Variants in PLA2R1 observed in about 807,000 individuals in gnomAD.
PLA2R1 encodes phospholipase A2 receptor 1, also known as secretory phospholipase A2 receptor.
PLA2R1 carries 158 observed loss-of-function variants against 195.9 expected under a neutral mutation model. The ratio of observed to expected loss-of-function variants is 0.81; its 90% CI spans 0.71 to 0.92. The LOEUF is 0.92. Among genes scored for constraint, PLA2R1 ranks in the 40% least tolerant of loss-of-function variants. The pLI, the probability that PLA2R1 is intolerant of heterozygous loss-of-function variation, is 0.00. For missense variants in PLA2R1, 1,626 were observed against 1,764.6 expected, an observed-to-expected ratio of 0.92 and a Z score of 1.41; for synonymous variants, 586 against 598.2, an observed-to-expected ratio of 0.98 and a Z score of 0.30.
chr2:160,025,185 T>G (rs558308158), intron 6 of PLA2R1, among the ~76,000 whole-genome samples: 2 of 152,160 alleles, frequency 1.3e-5, no homozygotes, highest in Admixed American at 1.3e-4. Flanking sequence ...ATCTCTACTA[T>G]GAAGATTAAA....
intron 8 of PLA2R1, among the ~76,000 whole-genome samples, chr2:160,019,239 G>A (rs1692951494): frequency 6.6e-6 from 1 of 152,176 alleles, no homozygotes; most frequent in African/African-American, 2.4e-5. Context: ...TACACATACT[G>A]TTTAAATCCT....
chr2:159,938,907 G>C lies in PLA2R1; in HGVS notation c.*2871C>G, dbSNP rs1030305447. On this transcript the variant is annotated 3_prime_UTR_variant, in exon 30 of 30. Transcript: ENST00000283243. ...AACCCGAAAGAAGACTGTTGTAACT[G>C]TAAGAGCCCAATATATTGTTAAATG... 7 of 152,128 alleles carry C rather than the reference G, an allele frequency of 4.6e-5. No individual in the cohort carries two copies. The highest frequency in any genetic ancestry group is 1.4e-4 in the African/African-American group (6 of 41,412). 9.4% of individuals were successfully genotyped at this position (152,128 alleles called of 1,614,324 possible).
chr2:159,929,728 A>G (rs1258534792), downstream of PLA2R1, among the ~76,000 whole-genome samples: 1 of 152,194 alleles, frequency 6.6e-6, no homozygotes. Context: ...ACAATTCGCA[A>G]TTGCAAAAAT....
At chr2:160,021,202 T>C (rs1693087077) in intron 7 of PLA2R1, among the ~76,000 whole-genome samples, 1 of 152,104 alleles carries the variant, frequency 6.6e-6, no homozygotes, top group African/African-American at 2.4e-5. Context: ...ACAACATTTA[T>C]GGAAAACAGT....
Position 159,941,814 on chromosome 2 carries a change from A to G in PLA2R1, c.4356T>C (p.Asn1452=). The change falls in exon 30 of 30, where the codon AAT becomes AAC. Residue 1452 remains asparagine (N), a synonymous_variant. Transcript: ENST00000283243. ...TCTTCTCAAGATCAGAAATGAGAAT[A>G]TTTTCTTCTAAATATACTGTACTAA... ...TNFSTVYLEE[N]ILISDLEKSD... is the part of the protein sequence containing the mutation. 1 of 1,609,584 alleles carries G rather than the reference A, an allele frequency of 6.2e-7. No homozygotes were observed.
At chr2:160,000,497 C>T (rs1428418411) in intron 11 of PLA2R1, among the ~76,000 whole-genome samples, 1 of 152,108 alleles carries the variant, frequency 6.6e-6, no homozygotes, top group Non-Finnish European at 1.5e-5. Context: ...CAACTTCACC[C>T]TGGGGGTGAG....
At position 160,028,840 on chromosome 2, in the gene PLA2R1, C is replaced by T; in HGVS notation, c.955+10G>A. On this transcript the variant is annotated intron_variant, in intron 5 of 29. Coordinates refer to ENST00000283243, the MANE Select transcript of PLA2R1 (RefSeq NM_007366.5). ...CCACGTGACGAAGGCAAAGAAAACA[C>T]TGCGGGTACCTGGGCTCCAATTCAG... 6.4e-7 allele frequency: 1 copy of T among 1,553,168 alleles called. No individual in the cohort carries two copies. The highest frequency in any genetic ancestry group is 8.9e-7 in the Non-Finnish European group (1 of 1,123,486).
chr2:159,966,355 A>G (rs544801652), intron 20 of PLA2R1, among the ~76,000 whole-genome samples: 2 of 152,330 alleles, frequency 1.3e-5, no homozygotes, highest in South Asian at 4.1e-4. Context: ...AAAGACACAG[A>G]AAGTAGAACA....
intron 14 of PLA2R1, 130 bp from the exon 15 acceptor site, chr2:159,977,546 T>C (rs1264527416): frequency 1.1e-5 from 7 of 645,370 alleles, no homozygotes; most frequent in Non-Finnish European, 1.3e-5. Flanking sequence ...CTGGATGTCA[T>C]TCTAGTTGAA....
At chr2:160,013,029 A>G (rs1038068051) in intron 10 of PLA2R1, among the ~76,000 whole-genome samples, 5 of 152,242 alleles carry the variant, frequency 3.3e-5, no homozygotes, top group Admixed American at 2.0e-4. Flanking sequence ...ATAATTAATA[A>G]ATCTTTACAG....
Position 159,956,560 on chromosome 2 carries a change from CA to C in PLA2R1, c.2971del (p.Cys991ValfsTer22). 2 of 1,613,848 alleles carry C rather than the reference CA, an allele frequency of 1.2e-6. No homozygotes were observed. The highest frequency in any genetic ancestry group is 1.7e-6 in the Non-Finnish European group (2 of 1,179,762). ...GACCAGGGTCCCCCCTTCTTCAGCA[CA>C]GAAATGTTGAGCATGCGTCCAGTTC... ...WKNWTHAQHF[C>X]AEEGGTLVAI... is the part of the protein sequence containing the mutation. On this transcript the variant is annotated frameshift_variant, in exon 21 of 30. Coordinates refer to ENST00000283243, the MANE Select transcript of PLA2R1 (RefSeq NM_007366.5). LOFTEE classifies it high-confidence loss of function.
At chr2:159,965,248 C>T (rs1366306185) in intron 20 of PLA2R1, among the ~76,000 whole-genome samples, 2 of 152,170 alleles carry the variant, frequency 1.3e-5, no homozygotes, top group African/African-American at 2.4e-5. Flanking sequence ...ATGCATCCAC[C>T]ATTGTGCTAT....
intron 4 of PLA2R1, among the ~76,000 whole-genome samples, chr2:160,032,566 T>C (rs1212396143): frequency 6.6e-6 from 1 of 152,248 alleles, no homozygotes; most frequent in Non-Finnish European, 1.5e-5. Context: ...CTGCACATGG[T>C]GAATGATATG....
the PLA2R1 span, among the ~76,000 whole-genome samples, chr2:159,925,622 T>A: frequency 6.6e-6 from 1 of 151,956 alleles, no homozygotes; most frequent in Non-Finnish European, 1.5e-5. Context: ...AGGCTTCCTA[T>A]TTCTTTGTTG....
At chr2:160,055,877 T>C (rs944728004) in intron 1 of PLA2R1, among the ~76,000 whole-genome samples, 3 of 152,176 alleles carry the variant, frequency 2.0e-5, no homozygotes, top group Admixed American at 2.0e-4. Context: ...ACAGAAGCTA[T>C]GCAGGAAATC....
intron 11 of PLA2R1, among the ~76,000 whole-genome samples, chr2:160,000,392 A>T (rs983627851): frequency 6.6e-6 from 1 of 152,208 alleles, no homozygotes; most frequent in Non-Finnish European, 1.5e-5. Flanking sequence ...CTATGTGTTC[A>T]AGAAAACCTC....
chr2:160,012,625 T>C (rs2105429140), intron 10 of PLA2R1, among the ~76,000 whole-genome samples: 1 of 31,160 alleles, frequency 3.2e-5, no homozygotes, highest in African/African-American at 1.1e-4. Context: ...TTAAATAATG[T>C]GTTTTGGCTG....
At chr2:160,018,588 C>T (rs1692911057) in intron 8 of PLA2R1, among the ~76,000 whole-genome samples, 2 of 152,074 alleles carry the variant, frequency 1.3e-5, no homozygotes, top group East Asian at 1.9e-4. Flanking sequence ...GCTGAGATTG[C>T]ACCACTGCAC....
In PLA2R1 at chr2:159,940,736, A is replaced by G. The variant is rs1343146726; in HGVS notation, c.*1042T>C. On this transcript the variant is annotated 3_prime_UTR_variant, in exon 30 of 30. Transcript: ENST00000283243. ...ATCTACACTAACTAGACTAATATAA[A>G]AGGAGATCGTTCCCAGAAAATAGTT... is the stretch of plus-strand genomic sequence containing the variant. 6.6e-6 allele frequency: 1 copy of G among 152,194 alleles called. No individual in the cohort carries two copies. The highest frequency in any genetic ancestry group is 1.5e-5 in the Non-Finnish European group (1 of 68,032). 9.4% of individuals were successfully genotyped at this position (152,194 alleles called of 1,614,324 possible). A position where few individuals can be genotyped will look rare whatever the true frequency, so the allele number is the denominator to read the frequency against.
Sources: allele counts gnomAD v4.1 joint callset (sites outside exome capture counted in the v4.1 genomes callset), GRCh38; gene constraint gnomAD v4.1.1; transcripts MANE v1.5; gene names NCBI Gene and HGNC (gene_info 2026-07-23, HGNC 2026-07-21).